The following CEP128 variants were observed in gnomAD, a reference collection of about 807,000 sequenced individuals.
CEP128 encodes the protein centrosomal protein 128.
A neutral mutation model predicts 156.7 loss-of-function variants in CEP128; 132 were observed. That is an observed-to-expected ratio of 0.84 (90% CI 0.73 to 0.97). CEP128 has a LOEUF of 0.97. CEP128 is among the 50% of genes least tolerant of loss of function. The pLI is 0.00. For synonymous variants in CEP128, 469 were observed against 448.9 expected (o/e 1.04, Z -0.57); for missense variants, 1,252 against 1,281.9 (o/e 0.98, Z 0.36).
At chr14:80,615,470 T>C (rs74066003) in intron 19 of CEP128, among the ~76,000 whole-genome samples, 4,271 of 152,244 alleles carry the variant, frequency 0.028, 211 homozygotes, top group African/African-American at 0.097. Flanking sequence ...CGAAAAGGAT[T>C]GATGCAAATA....
intron 14 of CEP128, 68 bp from the exon 15 acceptor site, chr14:80,785,613 G>A (rs1359937120): frequency 3.5e-6 from 4 of 1,132,436 alleles, no homozygotes; most frequent in Non-Finnish European, 1.2e-6. Flanking sequence ...CATAGACTCT[G>A]CCAGTCAGCA....
At position 80,955,735 on chromosome 14, in the gene CEP128, C is replaced by T; in HGVS notation, c.-172+2443G>A. On this transcript the variant is annotated intron_variant, in intron 2 of 7. Transcript: ENST00000555529. The stretch of plus-strand genomic sequence containing the variant: ...GCTGCTGCTCGACCTGCCCAGGGAC[C>T]TGGGCGGAATGGGGTGTTCGTCTCC... 2 of 1,614,182 alleles carry T rather than the reference C, an allele frequency of 1.2e-6. No homozygotes were observed. The highest frequency in any genetic ancestry group is 1.7e-6 in the Non-Finnish European group (2 of 1,180,032).
intron 19 of CEP128, among the ~76,000 whole-genome samples, chr14:80,601,165 T>A (rs1309382234): frequency 6.6e-6 from 1 of 152,068 alleles, no homozygotes; most frequent in East Asian, 1.9e-4. Context: ...AAGGCAATTA[T>A]AAAGAAATTG....
intron 24 of CEP128, among the ~76,000 whole-genome samples, chr14:80,503,754 T>C (rs1887843494): frequency 6.6e-6 from 1 of 152,142 alleles, no homozygotes; most frequent in Non-Finnish European, 1.5e-5. Flanking sequence ...ATAACCAACT[T>C]GAGGTCCATA....
At chr14:80,848,178 T>C (rs745969611) in intron 9 of CEP128, among the ~76,000 whole-genome samples, 99 of 152,128 alleles carry the variant, frequency 6.5e-4, no homozygotes, top group Non-Finnish European at 1.3e-3. Context: ...TCTATGATAG[T>C]CAATAAGGGC....
chr14:80,667,005 A>T (rs1218085481), intron 19 of CEP128, among the ~76,000 whole-genome samples: 1 of 152,160 alleles, frequency 6.6e-6, no homozygotes, highest in Non-Finnish European at 1.5e-5. Flanking sequence ...CACTTCCAGG[A>T]CCCCAAACAA....
intron 21 of CEP128, among the ~76,000 whole-genome samples, chr14:80,545,205 A>G (rs983532210): frequency 1.3e-5 from 2 of 152,214 alleles, no homozygotes; most frequent in African/African-American, 2.4e-5. Context: ...TGCAGTGCCT[A>G]TAAGAAGGAA....
chr14:80,757,768 G>T (rs1299316732), intron 17 of CEP128, among the ~76,000 whole-genome samples: 1 of 152,192 alleles, frequency 6.6e-6, no homozygotes, highest in African/African-American at 2.4e-5. Flanking sequence ...TGAGCTGTGT[G>T]CACATTGCTT....
At chr14:80,615,550 G>C (rs541651312) in intron 19 of CEP128, among the ~76,000 whole-genome samples, 3 of 152,168 alleles carry the variant, frequency 2.0e-5, no homozygotes, top group South Asian at 2.1e-4. Flanking sequence ...CAGGGAAAAG[G>C]CTACAAGGCC....
At chr14:80,618,423 G>A (rs1409407207) in intron 19 of CEP128, among the ~76,000 whole-genome samples, 1 of 152,222 alleles carries the variant, frequency 6.6e-6, no homozygotes, top group Non-Finnish European at 1.5e-5. Flanking sequence ...CTGGCAAGAA[G>A]ATGGCTCTAG....
chr14:80,731,353 G>A (rs760219893), intron 19 of CEP128, among the ~76,000 whole-genome samples: 2 of 152,148 alleles, frequency 1.3e-5, no homozygotes, highest in Non-Finnish European at 2.9e-5. Context: ...TGCCTCAACT[G>A]TTAAATGGGA....
intron 8 of CEP128, among the ~76,000 whole-genome samples, chr14:80,891,252 C>A (rs7156306): frequency 0.41 from 61,974 of 151,764 alleles, 13,012 homozygotes; most frequent in South Asian, 0.51. Flanking sequence ...ATATCTGCAC[C>A]CCCACATTTA....
chr14:80,532,586 T>G (rs17110737), intron 21 of CEP128, among the ~76,000 whole-genome samples: 9,641 of 152,178 alleles, frequency 0.063, 445 homozygotes, highest in Middle Eastern at 0.14. Flanking sequence ...TTACAGACAC[T>G]TTCAATGTAC....
At chr14:80,881,366 T>C (rs1888544916) in intron 8 of CEP128, among the ~76,000 whole-genome samples, 1 of 152,018 alleles carries the variant, frequency 6.6e-6, no homozygotes, top group South Asian at 2.1e-4. Context: ...CCTACAAAGA[T>C]TGAACCATGA....
At chr14:80,705,777 T>A (rs1897222816) in intron 19 of CEP128, among the ~76,000 whole-genome samples, 1 of 152,180 alleles carries the variant, frequency 6.6e-6, no homozygotes, top group Non-Finnish European at 1.5e-5. Context: ...GATTCTCTTG[T>A]AGGCAATGCT....
At chr14:80,803,513 G>A (rs1054684353) in intron 13 of CEP128, among the ~76,000 whole-genome samples, 10 of 152,146 alleles carry the variant, frequency 6.6e-5, no homozygotes, top group African/African-American at 1.2e-4. Context: ...AGCCAATCCC[G>A]GAAGTCACAC....
chr14:80,528,359 G>C (rs1243235998), intron 22 of CEP128, among the ~76,000 whole-genome samples: 3 of 152,258 alleles, frequency 2.0e-5, no homozygotes, highest in African/African-American at 7.2e-5. Context: ...CACGATCTCA[G>C]TGCACTGCAA....
At chr14:80,545,091 C>T (rs1042163790) in intron 21 of CEP128, among the ~76,000 whole-genome samples, 4 of 152,204 alleles carry the variant, frequency 2.6e-5, no homozygotes, top group African/African-American at 7.2e-5. Context: ...TCCTCTTCAT[C>T]CTCTTAGTCT....
intron 19 of CEP128, among the ~76,000 whole-genome samples, chr14:80,628,347 G>C (rs940947995): frequency 6.6e-6 from 1 of 152,082 alleles, no homozygotes; most frequent in Non-Finnish European, 1.5e-5. Context: ...TTATTAGCTT[G>C]ACTGGCATGT....
Sources: allele counts gnomAD v4.1 joint callset (sites outside exome capture counted in the v4.1 genomes callset), GRCh38; gene constraint gnomAD v4.1.1; transcripts MANE v1.5; gene names NCBI Gene and HGNC (gene_info 2026-07-23, HGNC 2026-07-21).